The following SLC17A3 variants were observed in gnomAD, a reference collection of about 807,000 sequenced individuals.
SLC17A3 encodes the protein sodium-dependent phosphate transport protein 4.
In SLC17A3, 61 loss-of-function variants were observed where a neutral mutation model predicts 60.3. That is an observed-to-expected ratio of 1.01 (90% CI 0.82 to 1.25). SLC17A3 has a LOEUF of 1.25. SLC17A3 is among the 50% of genes most tolerant of loss of function. The pLI, the probability that SLC17A3 is intolerant of heterozygous loss-of-function variation, is 0.00. For missense variants in SLC17A3, 624 were observed against 594.9 expected (o/e 1.05, Z -0.51); for synonymous variants, 192 against 208.9 (o/e 0.92, Z 0.70).
chr6:25,862,212 T>C, intron 3 of SLC17A3, 21 bp downstream of exon 3: 2 of 1,593,978 alleles, frequency 1.3e-6, no homozygotes, highest in Non-Finnish European at 1.7e-6. Context: ...AAAGCACAAA[T>C]TTATATCTTA....
rs752582246 is a variant in SLC17A3 at position 25,845,396 on chromosome 6, G to A, written c.1483C>T (p.Leu495Phe). The A allele has an allele frequency of 1.6e-5, 26 of 1,613,858 alleles. No individual in the cohort carries two copies. In the Admixed American group the frequency reaches 4.3e-4, roughly 27 times the overall value. Residue 495 changes from leucine (L) to phenylalanine (F), a missense_variant, in exon 12 of 13, where the codon CTC becomes TTC. Coordinates refer to ENST00000397060, the MANE Select transcript of SLC17A3 (RefSeq NM_001098486.2). Reference sequence around the variant, plus strand: ...ATCCTTTACCTTCATAAACGAGTGAGTTTTCTCTCTTTAGCCCATTCTTGG... The same window carrying A: ...ATCCTTTACCTTCATAAACGAGTGAATTTTCTCTCTTTAGCCCATTCTTGG... ...DVQEWAKERK[L>F]TRL
intron 11 of SLC17A3, among the ~76,000 whole-genome samples, chr6:25,846,637 G>A (rs533497618): frequency 1.1e-4 from 17 of 152,262 alleles, no homozygotes; most frequent in African/African-American, 4.1e-4. Context: ...TTGAGACAGA[G>A]TCTCACTTTG....
rs373421209 is a variant in SLC17A3, at chr6:25,845,389, C to A, written c.1490G>T (p.Arg497Leu). 7 of 1,613,896 alleles carry A rather than the reference C, an allele frequency of 4.3e-6. No individual in the cohort carries two copies. In the Admixed American group the frequency reaches 1.2e-4, roughly 27 times the overall value. Residue 497 changes from arginine (R) to leucine (L), a missense_variant, in exon 12 of 13, where the codon CGT (arginine) becomes CTT (leucine). By Grantham distance (102) the Arg-to-Leu change is moderately radical. Transcript: ENST00000397060. ...QEWAKERKLT[R>L]L The stretch of plus-strand genomic sequence containing the variant: ...AATCACTATCCTTTACCTTCATAAA[C>A]GAGTGAGTTTTCTCTCTTTAGCCCA...
chr6:25,868,855 A>G (rs889766373), intron 1 of SLC17A3, among the ~76,000 whole-genome samples: 2 of 151,976 alleles, frequency 1.3e-5, no homozygotes, highest in Admixed American at 1.3e-4. Context: ...AAGCTGTATA[A>G]TACAGTTTAT....
intron 6 of SLC17A3, among the ~76,000 whole-genome samples, chr6:25,854,874 A>G (rs1765333904): frequency 6.6e-6 from 1 of 152,196 alleles, no homozygotes; most frequent in Admixed American, 6.5e-5. Context: ...CTGCAAGCCT[A>G]TCCCCTACTG....
In SLC17A3 at chr6:25,861,664, A is replaced by G. The variant is rs1765448644; in HGVS notation, c.585T>C (p.Pro195=). 6.2e-7 allele frequency: 1 copy of G among 1,614,028 alleles called. No individual in the cohort carries two copies. The highest frequency in any genetic ancestry group is 1.1e-5 in the South Asian group (1 of 91,082). ...TGCAGAGTCTGCTTCGTTCTTGTGG[A>G]GGGCCCCACTTTTCCCAAATTGCAA... The part of the protein sequence containing the change: ...GQFAIWEKWG[P]PQERSRLCSI... The change falls in exon 5 of 13, where the codon CCT becomes CCC. Residue 195 remains proline, a synonymous_variant. Transcript: ENST00000397060.
At chr6:25,849,718 C>T in intron 10 of SLC17A3, 87 bp downstream of exon 10, 1 of 1,467,450 alleles carries the variant, frequency 6.8e-7, no homozygotes, top group Non-Finnish European at 9.5e-7. Context: ...ATGGTTTATT[C>T]ATTTCCTAAG....
intron 2 of SLC17A3, among the ~76,000 whole-genome samples, chr6:25,868,035 C>T (rs924754125): frequency 6.6e-6 from 1 of 151,562 alleles, no homozygotes; most frequent in Admixed American, 6.6e-5. Context: ...GCAGGACACA[C>T]AATACTATGT....
intron 6 of SLC17A3, among the ~76,000 whole-genome samples, chr6:25,851,908 C>T (rs1474946924): frequency 2.0e-5 from 3 of 152,090 alleles, no homozygotes; most frequent in Admixed American, 6.5e-5. Context: ...ATTTAGTTTT[C>T]AGTGCACAGC....
In SLC17A3 at chr6:25,870,023, G is replaced by A. The variant is rs140344922; in HGVS notation, c.-33-1603C>T. Among the ~76,000 whole-genome samples, 1,424 of 151,982 alleles carry A rather than the reference G, an allele frequency of 9.4e-3. 11 individuals carry two copies. Among genetic ancestry groups the A allele is most frequent in the Non-Finnish European group, 0.014 (958 of 67,918 alleles). ...TTTATCCATTTATTTACCTTTTGAT[G>A]AAAAACTGCATTGTTTGCAGTTTTT... On this transcript the variant is annotated intron_variant, in intron 1 of 12. Coordinates refer to ENST00000397060, the MANE Select transcript of SLC17A3 (RefSeq NM_001098486.2).
rs2151524745 is a variant in SLC17A3, at chr6:25,861,970, A to G, written c.363T>C (p.Tyr121=). The part of the protein sequence containing the change: ...IQGIIFGAVG[Y]GGILTMAPSG... The stretch of plus-strand genomic sequence containing the variant: ...TGGGAGCCATTGTCAGTATGCCACC[A>G]TAGCCAACAGCACCAAAGATGATGC... Residue 121 remains tyrosine (Y), a synonymous_variant, in exon 4 of 13, where the codon TAT becomes TAC. Transcript: ENST00000397060. The G allele has an allele frequency of 1.2e-6, 2 of 1,612,418 alleles. No individual in the cohort carries two copies. Among genetic ancestry groups the G allele is most frequent in the Middle Eastern group, 1.7e-4 (1 of 6,060 alleles).
intron 5 of SLC17A3, among the ~76,000 whole-genome samples, chr6:25,855,440 T>C (rs566403655): frequency 6.6e-6 from 1 of 152,348 alleles, no homozygotes; most frequent in South Asian, 2.1e-4. Context: ...CCCTATAACA[T>C]AGCAGATGAC....
chr6:25,850,382 G>T, intron 8 of SLC17A3, 77 bp downstream of exon 8: 1 of 1,473,858 alleles, frequency 6.8e-7, no homozygotes, highest in Non-Finnish European at 9.5e-7. Flanking sequence ...ACATTTCTCA[G>T]ATGGAATGAT....
At chr6:25,860,713 T>A (rs1765432555) in intron 5 of SLC17A3, among the ~76,000 whole-genome samples, 1 of 152,222 alleles carries the variant, frequency 6.6e-6, no homozygotes. Flanking sequence ...TGACCTATTC[T>A]GGTTGTTCAG....
Position 25,861,637 on chromosome 6 carries a change from G to A in SLC17A3, c.612C>T (p.Ser204=). The change falls in exon 5 of 13, where the codon AGC becomes AGT. Residue 204 remains serine, a synonymous_variant. Coordinates refer to ENST00000397060, the MANE Select transcript of SLC17A3 (RefSeq NM_001098486.2). ...ACATGTCCTTACCTGATAAAGCAAT[G>A]CTGCAGAGTCTGCTTCGTTCTTGTG... ...GPPQERSRLC[S]IALSGMLLGC... 1 of 1,613,862 alleles carries A rather than the reference G, an allele frequency of 6.2e-7. No individual in the cohort carries two copies. The highest frequency in any genetic ancestry group is 1.7e-5 in the Admixed American group (1 of 60,020).
In SLC17A3 at chr6:25,868,452, A is replaced by G. The variant is rs769722220; in HGVS notation, c.-33-32T>C. ...GGGAGATATGTAATTCACATGCATC[A>G]GTTGAGAGAAAGAGACTCCCCGTTG... On this transcript the variant is annotated intron_variant, in intron 1 of 12. Transcript: ENST00000397060. 4.2e-4 allele frequency: 567 copies of G among 1,353,548 alleles called. 1 individual carries two copies. Among genetic ancestry groups the G allele is most frequent in the Non-Finnish European group, 5.6e-4 (528 of 945,756 alleles). The allele number at this position is 1,353,548 out of a possible 1,614,324, so 83.8% of individuals were successfully genotyped here. A position where few individuals can be genotyped will look rare whatever the true frequency, so the allele number is the denominator to read the frequency against.
At chr6:25,864,187 G>A (rs1373739873) in intron 2 of SLC17A3, among the ~76,000 whole-genome samples, 3 of 151,910 alleles carry the variant, frequency 2.0e-5, no homozygotes, top group Admixed American at 2.0e-4. Context: ...AATGGAGTGA[G>A]CCAGGGGTAC....
chr6:25,872,064 G>T (rs1009013590), intron 1 of SLC17A3, among the ~76,000 whole-genome samples: 5 of 151,960 alleles, frequency 3.3e-5, no homozygotes, highest in Non-Finnish European at 5.9e-5. Flanking sequence ...CAAGCTAGTT[G>T]TTGAACATAG....
At chr6:25,851,570 TA>T (rs1561854540) in intron 6 of SLC17A3, among the ~76,000 whole-genome samples, 1 of 152,150 alleles carries the variant, frequency 6.6e-6, no homozygotes, top group Non-Finnish European at 1.5e-5. Flanking sequence ...TTAGTTTTTA[TA>T]TATGATCCAA....
Sources: allele counts gnomAD v4.1 joint callset (sites outside exome capture counted in the v4.1 genomes callset), GRCh38; gene constraint gnomAD v4.1.1; transcripts MANE v1.5; gene names NCBI Gene and HGNC (gene_info 2026-07-23, HGNC 2026-07-21).